The following DPPA3 variants were observed in gnomAD, a reference collection of about 807,000 sequenced individuals.
The protein encoded by DPPA3 is developmental pluripotency-associated protein 3.
DPPA3 carries 9 observed loss-of-function variants against 15.6 expected under a neutral mutation model. The observed-to-expected ratio is 0.58, with a 90% CI of 0.35 to 1.01. DPPA3 has a LOEUF of 1.01. Among genes scored for constraint, DPPA3 ranks in the 50% least tolerant of loss-of-function variants. The pLI, the probability that DPPA3 is intolerant of heterozygous loss-of-function variation, is 0.02. For missense variants in DPPA3, 148 were observed against 194.6 expected, an observed-to-expected ratio of 0.76 and a Z score of 1.42; for synonymous variants, 61 against 70.9, an observed-to-expected ratio of 0.86 and a Z score of 0.70.
chr12:7,712,960 C>T (rs768601561), intron 1 of DPPA3, among the ~76,000 whole-genome samples: 1 of 152,138 alleles, frequency 6.6e-6, no homozygotes, highest in African/African-American at 2.4e-5. Context: ...AAGGGAGAGG[C>T]CGTAAACGTG....
At chr12:7,716,000 G>C (rs1051116757) in intron 2 of DPPA3, among the ~76,000 whole-genome samples, 198 bp from the exon 3 acceptor site, 2 of 152,014 alleles carry the variant, frequency 1.3e-5, no homozygotes, top group African/African-American at 4.8e-5. Flanking sequence ...GGTGGCTGAG[G>C]GCTGAGGCAG....
intron 1 of DPPA3, 65 bp downstream of exon 1, chr12:7,711,717 C>T (rs1864345802): frequency 3.6e-5 from 20 of 560,398 alleles, no homozygotes; most frequent in Admixed American, 5.7e-5. Flanking sequence ...AAAAGGCTGC[C>T]GTCTTTTTTT....
chr12:7,711,757 A>C (rs1380189836), intron 1 of DPPA3, 105 bp downstream of exon 1: 2 of 867,072 alleles, frequency 2.3e-6, no homozygotes, highest in Non-Finnish European at 3.2e-6. Flanking sequence ...TTTAATGTTG[A>C]CTTCAGTCTT....
At chr12:7,716,838 C>A in intron 3 of DPPA3, 129 bp from the exon 4 acceptor site, 1 of 838,802 alleles carries the variant, frequency 1.2e-6, no homozygotes, top group Non-Finnish European at 1.9e-6. Flanking sequence ...GCTTTTGGCC[C>A]GTGTGTCCTT....
Position 7,715,293 on chromosome 12 carries a change from T to G in DPPA3, c.193T>G (p.Ser65Ala), listed in dbSNP as rs1430798017. The G allele has an allele frequency of 6.2e-7, 1 of 1,613,632 alleles. No individual in the cohort carries two copies. The highest frequency in any genetic ancestry group is 8.5e-7 in the Non-Finnish European group (1 of 1,179,878). ...PLSEALLRRESVGAAVLREIE... is the reference protein window; with the variant it reads ...PLSEALLRREAVGAAVLREIE... The stretch of plus-strand genomic sequence containing the variant: ...ATCGGAAGCTTTACTCCGTCGAGAG[T>G]CTGTAGGAGCAGCAGTCCTCAGGGA... Residue 65 changes from serine (S) to alanine (A), a missense_variant, in exon 2 of 4, where the codon TCT becomes GCT. Coordinates refer to ENST00000345088, the MANE Select transcript of DPPA3 (RefSeq NM_199286.4).
At chr12:7,711,720 CTTTTTTTTTTTTTTTTTT>C (rs3069565) in intron 1 of DPPA3, 68 bp downstream of exon 1, 7 of 336,372 alleles carry the variant, frequency 2.1e-5, no homozygotes, top group Non-Finnish European at 3.0e-5. Flanking sequence ...AGGCTGCCGT[CTTTTTTTTTTTTTTTTTT>C]TTTTTTTTTT....
intron 2 of DPPA3, among the ~76,000 whole-genome samples, chr12:7,715,840 G>A (rs1864393633): frequency 1.3e-5 from 2 of 151,986 alleles, no homozygotes; most frequent in South Asian, 4.2e-4. Context: ...CCTGCACTTT[G>A]GAAGGCTGAG....
intron 1 of DPPA3, among the ~76,000 whole-genome samples, chr12:7,712,797 G>C (rs1864359140): frequency 6.6e-6 from 1 of 152,090 alleles, no homozygotes; most frequent in Non-Finnish European, 1.5e-5. Flanking sequence ...ATGTTGCCCA[G>C]GCTGGTATCG....
chr12:7,716,892 C>A, intron 3 of DPPA3, 75 bp from the exon 4 acceptor site: 2 of 1,345,100 alleles, frequency 1.5e-6, no homozygotes, highest in Non-Finnish European at 2.1e-6. Flanking sequence ...AAATAAACAA[C>A]ATTATAGTTG....
intron 1 of DPPA3, 68 bp downstream of exon 1, chr12:7,711,720 C>CTTTTTTT (rs3069565): frequency 8.8e-6 from 3 of 340,658 alleles, no homozygotes; most frequent in Admixed American, 8.4e-5. Flanking sequence ...AGGCTGCCGT[C>CTTTTTTT]TTTTTTTTTT....
rs55889848 is a variant in DPPA3, at chr12:7,716,188, T to TTC, written c.328-10_328-9insTC. The TTC allele has an allele frequency of 4.4e-6, 7 of 1,600,050 alleles. No homozygotes were observed. In the East Asian group the frequency reaches 6.7e-5, roughly 15 times the overall value. On this transcript the variant is annotated splice_polypyrimidine_tract_variant and intron_variant, in intron 2 of 3. Transcript: ENST00000345088. Reference sequence around the variant, plus strand: ...ATAGTTTTCAATAAACATATTTTTTTCCCATGAAGCATGAAAGAAGACCAA... The same window carrying TTC: ...ATAGTTTTCAATAAACATATTTTTTTTCCCCATGAAGCATGAAAGAAGACCAA...
intron 2 of DPPA3, 141 bp from the exon 3 acceptor site, chr12:7,716,057 T>C (rs1864395930): frequency 5.6e-6 from 4 of 716,876 alleles, no homozygotes; most frequent in Non-Finnish European, 9.2e-6. Flanking sequence ...GAGCCATGAT[T>C]GCTCCACTGC....
intron 3 of DPPA3, 61 bp downstream of exon 3, chr12:7,716,300 G>C (rs1864398768): frequency 2.3e-6 from 3 of 1,281,576 alleles, no homozygotes; most frequent in Non-Finnish European, 3.2e-6. Context: ...ATGTGGATGG[G>C]TATCTGGTTT....
At position 7,716,245 on chromosome 12, in the gene DPPA3, T is replaced by A; in HGVS notation, c.369+6T>A. The stretch of plus-strand genomic sequence containing the variant: ...AGGAGCCTAAGGGAGTTAAGGTAAG[T>A]ATAATTTTTTTCTTTTTATTTTCCT... On this transcript the variant is annotated splice_donor_region_variant and intron_variant, in intron 3 of 3. Coordinates refer to ENST00000345088, the MANE Select transcript of DPPA3 (RefSeq NM_199286.4). 2.6e-6 allele frequency: 4 copies of A among 1,565,594 alleles called. No individual in the cohort carries two copies. Among genetic ancestry groups the A allele is most frequent in the Non-Finnish European group, 2.6e-6 (3 of 1,161,380 alleles).
chr12:7,715,322 C>G lies in DPPA3; in HGVS notation c.222C>G (p.Ile74Met). The G allele has an allele frequency of 6.2e-7, 1 of 1,613,986 alleles. No homozygotes were observed. Among genetic ancestry groups the G allele is most frequent in the Non-Finnish European group, 8.5e-7 (1 of 1,179,996 alleles). Residue 74 changes from isoleucine (I) to methionine (M), a missense_variant, in exon 2 of 4, where the codon ATC (isoleucine) becomes ATG (methionine). Coordinates refer to ENST00000345088, the MANE Select transcript of DPPA3 (RefSeq NM_199286.4). ...TAGGAGCAGCAGTCCTCAGGGAAATCGAAGATGAGTGGCTTTACAGCAGGA... is the reference window on the plus strand; with the variant it reads ...TAGGAGCAGCAGTCCTCAGGGAAATGGAAGATGAGTGGCTTTACAGCAGGA... ...ESVGAAVLREIEDEWLYSRRG... is the reference protein window; with the variant it reads ...ESVGAAVLREMEDEWLYSRRG...
intron 3 of DPPA3, 127 bp downstream of exon 3, chr12:7,716,366 C>T (rs1864399433): frequency 4.0e-5 from 28 of 698,086 alleles, no homozygotes; most frequent in Non-Finnish European, 7.2e-6. Flanking sequence ...TCTGAATCCC[C>T]AGGGACTCTG....
intron 2 of DPPA3, 127 bp downstream of exon 2, chr12:7,715,554 G>A (rs746135671): frequency 1.5e-5 from 21 of 1,414,806 alleles, no homozygotes; most frequent in Non-Finnish European, 1.9e-5. Flanking sequence ...TGAGCACTTC[G>A]GGAGGCTGAG....
Position 7,711,670 on chromosome 12 carries a change from C to G in DPPA3, c.82+18C>G, listed in dbSNP as rs770345862. 2.1e-5 allele frequency: 34 copies of G among 1,600,226 alleles called. No homozygotes were observed. The highest frequency in any genetic ancestry group is 2.9e-5 in the Non-Finnish European group (34 of 1,172,502). ...CGATTCAGGTAAGCCAGATAATGCCCTTCTTGACTATCTGACTATAGGGGG... is the reference window on the plus strand; with the variant it reads ...CGATTCAGGTAAGCCAGATAATGCCGTTCTTGACTATCTGACTATAGGGGG... On this transcript the variant is annotated intron_variant, in intron 1 of 3. Coordinates refer to ENST00000345088, the MANE Select transcript of DPPA3 (RefSeq NM_199286.4).
intron 1 of DPPA3, among the ~76,000 whole-genome samples, chr12:7,712,052 A>T (rs1210858550): frequency 8.3e-6 from 1 of 121,186 alleles, no homozygotes; most frequent in Non-Finnish European, 1.7e-5. Context: ...AGTAGCTGGG[A>T]CTACAGGCGC....
Sources: gnomAD v4.1 joint callset for allele counts (sites outside exome capture counted in the v4.1 genomes callset) on GRCh38, gnomAD v4.1.1 for gene constraint, MANE v1.5 for transcripts, NCBI Gene and HGNC (gene_info 2026-07-23, HGNC 2026-07-21) for gene names.